The following FAR1 variants were observed in gnomAD, a reference collection of about 807,000 sequenced individuals.
FAR1 encodes the protein male sterility domain-containing protein 2.
FAR1 carries 22 observed loss-of-function variants against 61.1 expected under a neutral mutation model. The observed-to-expected ratio is 0.36, with a 90% CI of 0.26 to 0.51. FAR1 has a LOEUF of 0.51. Ranked by LOEUF, FAR1 falls within the 20% of genes least tolerant of loss-of-function variation. FAR1 has a pLI of 0.95. For synonymous variants in FAR1, 206 were observed against 209.7 expected, an observed-to-expected ratio of 0.98 and a Z score of 0.15; for missense variants, 359 against 626.9, an observed-to-expected ratio of 0.57 and a Z score of 4.56.
At chr11:13,726,118 T>C (rs1420048564) in intron 10 of FAR1, among the ~76,000 whole-genome samples, 1 of 152,094 alleles carries the variant, frequency 6.6e-6, no homozygotes, top group Non-Finnish European at 1.5e-5. Context: ...ATGTATCTGT[T>C]ATTGTTGTTA....
chr11:13,701,402 TATG>T (rs1848372786), intron 3 of FAR1, among the ~76,000 whole-genome samples: 1 of 152,086 alleles, frequency 6.6e-6, no homozygotes, highest in South Asian at 2.1e-4. Flanking sequence ...TATGTACAGT[TATG>T]ATATGTCAAT....
intron 1 of FAR1, among the ~76,000 whole-genome samples, chr11:13,693,270 C>T (rs1472128672): frequency 1.3e-5 from 2 of 152,172 alleles, no homozygotes; most frequent in Admixed American, 1.3e-4. Context: ...CAAAGCCATC[C>T]TGGGCCATGG....
At chr11:13,699,202 C>T (rs934449600) in intron 2 of FAR1, among the ~76,000 whole-genome samples, 8 of 152,158 alleles carry the variant, frequency 5.3e-5, no homozygotes, top group Non-Finnish European at 1.0e-4. Context: ...GTTGTTTCTC[C>T]TATGCAGGCC....
At chr11:13,708,397 T>C (rs1591266522) in intron 4 of FAR1, among the ~76,000 whole-genome samples, 1 of 146,414 alleles carries the variant, frequency 6.8e-6, no homozygotes. Context: ...TGGATTCAAG[T>C]CCCTCCCTCT....
chr11:13,672,305 A>G (rs1366316653), intron 1 of FAR1, among the ~76,000 whole-genome samples: 2 of 151,916 alleles, frequency 1.3e-5, no homozygotes, highest in East Asian at 3.9e-4. Context: ...GTTTTTTCAA[A>G]TTTAAAAAAA....
chr11:13,694,402 A>T (rs1056902930), intron 1 of FAR1, among the ~76,000 whole-genome samples: 2 of 152,208 alleles, frequency 1.3e-5, no homozygotes, highest in South Asian at 2.1e-4. Context: ...CAGAGAAACC[A>T]TTCATTTGTG....
intron 10 of FAR1, among the ~76,000 whole-genome samples, chr11:13,726,725 T>G (rs1848669933): frequency 6.6e-6 from 1 of 151,344 alleles, no homozygotes; most frequent in African/African-American, 2.4e-5. Context: ...CTGCTTCTCT[T>G]CCTTTTTTTT....
At chr11:13,670,219 A>G (rs1037218817) in intron 1 of FAR1, 2 of 151,892 alleles carry the variant, frequency 1.3e-5, no homozygotes, top group East Asian at 1.9e-4. Flanking sequence ...GGGGTGAGCC[A>G]CCCCACCCAG....
At chr11:13,709,381 A>G (rs1848474049) in intron 4 of FAR1, among the ~76,000 whole-genome samples, 1 of 152,180 alleles carries the variant, frequency 6.6e-6, no homozygotes, top group Admixed American at 6.5e-5. Context: ...GAAATATTTA[A>G]TATCTGCGGG....
chr11:13,675,484 C>A (rs1302278525), intron 1 of FAR1, among the ~76,000 whole-genome samples: 1 of 152,160 alleles, frequency 6.6e-6, no homozygotes, highest in Non-Finnish European at 1.5e-5. Context: ...CTATCTTTAT[C>A]TTTTAGACTA....
At chr11:13,705,158 C>G (rs1848418926) in intron 3 of FAR1, among the ~76,000 whole-genome samples, 1 of 151,954 alleles carries the variant, frequency 6.6e-6, no homozygotes, top group Non-Finnish European at 1.5e-5. Context: ...TTTTGTACCC[C>G]CCTCCCAAAA....
In FAR1 at chr11:13,710,865, T is replaced by C. The variant is rs1179910490; in HGVS notation, c.718T>C (p.Phe240Leu). The change falls in exon 5 of 12, where the codon TTT becomes CTT. Residue 240 changes from phenylalanine to leucine, a missense_variant. Phe to Leu is a conservative substitution (Grantham distance 22). Transcript: ENST00000354817. ...TGTTGGTGCCAGTTGGAAAGAACCT[T>C]TTCCAGTAAGTTGTTAGAAACCTTT... ...SIVGASWKEP[F>L]PGWIDNFNGP... is the part of the protein sequence containing the mutation. 6.2e-7 allele frequency: 1 copy of C among 1,609,668 alleles called. No homozygotes were observed. The highest frequency in any genetic ancestry group is 8.5e-7 in the Non-Finnish European group (1 of 1,178,750).
At chr11:13,697,673 A>G (rs1277455610) in intron 2 of FAR1, among the ~76,000 whole-genome samples, 1 of 152,198 alleles carries the variant, frequency 6.6e-6, no homozygotes, top group African/African-American at 2.4e-5. Flanking sequence ...TAAGAGCAGC[A>G]TGATCATGTC....
intron 2 of FAR1, among the ~76,000 whole-genome samples, chr11:13,695,721 A>G (rs1848300667): frequency 6.6e-6 from 1 of 152,182 alleles, no homozygotes; most frequent in Non-Finnish European, 1.5e-5. Context: ...GCCTCTTAAA[A>G]AATCCTGAAA....
At chr11:13,722,454 T>G (rs562325869) in intron 10 of FAR1, among the ~76,000 whole-genome samples, 1 of 152,162 alleles carries the variant, frequency 6.6e-6, no homozygotes, top group Non-Finnish European at 1.5e-5. Flanking sequence ...AATACATTAC[T>G]TCAGTTCTCT....
chr11:13,678,061 C>T (rs1192214228), intron 1 of FAR1, among the ~76,000 whole-genome samples: 2 of 152,186 alleles, frequency 1.3e-5, no homozygotes, highest in East Asian at 3.9e-4. Context: ...ATGGCAAGTG[C>T]CCCTCTTGAA....
chr11:13,721,717 T>A lies in FAR1; in HGVS notation c.1128-13T>A, dbSNP rs371603664. ...TACAAAATATGAATCTGTCCATTTT[T>A]CTTACAATACAGGATGATGAAAACA... is the stretch of plus-strand genomic sequence containing the variant. On this transcript the variant is annotated splice_polypyrimidine_tract_variant and intron_variant, in intron 9 of 11. Coordinates refer to ENST00000354817, the MANE Select transcript of FAR1 (RefSeq NM_032228.6). This position sits in a 1 kb window ranked among gnomAD's most constrained non-coding sequence, Gnocchi z 4.2. 5.1e-5 allele frequency: 82 copies of A among 1,606,264 alleles called. No homozygotes were observed. The highest frequency in any genetic ancestry group is 6.8e-5 in the Admixed American group (4 of 58,794).
chr11:13,673,154 T>G (rs1848029557), intron 1 of FAR1, among the ~76,000 whole-genome samples: 1 of 152,228 alleles, frequency 6.6e-6, no homozygotes, highest in Non-Finnish European at 1.5e-5. Flanking sequence ...CTTTTCTTAT[T>G]CAAAGAATGA....
At chr11:13,714,360 C>G in intron 8 of FAR1, 149 bp from the exon 9 acceptor site, 2 of 671,006 alleles carry the variant, frequency 3.0e-6, no homozygotes, top group Non-Finnish European at 4.9e-6. Context: ...ATTCTCTTAG[C>G]TACTAGAGAG....
Sources: allele counts gnomAD v4.1 joint callset (sites outside exome capture counted in the v4.1 genomes callset), GRCh38; gene constraint gnomAD v4.1.1; non-coding constraint Gnocchi (gnomAD v3.1); transcripts MANE v1.5; gene names NCBI Gene and HGNC (gene_info 2026-07-23, HGNC 2026-07-21).